GJC1: variants seen among roughly 807,000 people sequenced by gnomAD.
The protein encoded by GJC1 is gap junction protein gamma 1, also known as gap junction gamma-1 protein.
In GJC1, 5 loss-of-function variants were observed where a neutral mutation model predicts 29.3. The observed-to-expected ratio is 0.17, with a 90% confidence interval of 0.09 to 0.36. GJC1 has a LOEUF of 0.36. Among genes scored for constraint, GJC1 ranks in the 10% least tolerant of loss-of-function variants. The pLI is 1.00. For missense variants in GJC1, 310 were observed against 496.2 expected (o/e 0.62, Z 3.56); for synonymous variants, 177 against 183.3 (o/e 0.97, Z 0.28).
chr17:44,828,229 T>C (rs887400401), intron 1 of GJC1, among the ~76,000 whole-genome samples: 26 of 152,288 alleles, frequency 1.7e-4, no homozygotes, highest in African/African-American at 5.8e-4. Flanking sequence ...GTTAATTAAG[T>C]CCTCTGGATT....
downstream of GJC1, chr17:44,794,517 CA>C: frequency 6.6e-6 from 1 of 152,268 alleles, no homozygotes; most frequent in East Asian, 1.9e-4. Flanking sequence ...GCAGAAGCCA[CA>C]GCTGCAACGT....
intron 1 of GJC1, among the ~76,000 whole-genome samples, chr17:44,822,193 T>C (rs9916126): frequency 0.047 from 3,771 of 80,248 alleles, 118 homozygotes; most frequent in Admixed American, 0.13. Context: ...CGAGACTCCG[T>C]CTCAAAAAAA....
At chr17:44,813,547 C>CA (rs2050009048) in intron 1 of GJC1, among the ~76,000 whole-genome samples, 2 of 134,374 alleles carry the variant, frequency 1.5e-5, no homozygotes, top group South Asian at 2.4e-4. Context: ...GGCTGGAGTG[C>CA]AGTACCACGA....
intron 1 of GJC1, among the ~76,000 whole-genome samples, chr17:44,810,384 G>A (rs1269794113): frequency 6.6e-6 from 1 of 152,150 alleles, no homozygotes; most frequent in African/African-American, 2.4e-5. Flanking sequence ...GGGAAGAATT[G>A]GTGATAAATC....
intron 1 of GJC1, among the ~76,000 whole-genome samples, chr17:44,811,362 G>A (rs1208063546): frequency 1.3e-5 from 2 of 151,018 alleles, no homozygotes; most frequent in Admixed American, 1.3e-4. Flanking sequence ...GATTACAGGC[G>A]TGAGCCACTG....
At chr17:44,822,478 C>A (rs2050123351) in intron 1 of GJC1, among the ~76,000 whole-genome samples, 1 of 151,390 alleles carries the variant, frequency 6.6e-6, no homozygotes, top group Non-Finnish European at 1.5e-5. Flanking sequence ...CCTATCTCTA[C>A]TAAAAATATA....
downstream of GJC1, among the ~76,000 whole-genome samples, chr17:44,795,696 T>G (rs1356275810): frequency 6.6e-6 from 1 of 152,188 alleles, no homozygotes; most frequent in Non-Finnish European, 1.5e-5. Flanking sequence ...CCCAAGACAG[T>G]GTCCAGGGGT....
chr17:44,813,481 T>C (rs1353183103), intron 1 of GJC1, among the ~76,000 whole-genome samples: 1 of 139,718 alleles, frequency 7.2e-6, no homozygotes, highest in Non-Finnish European at 1.5e-5. Context: ...TCCTTCCAAG[T>C]TACTTTTTTT....
chr17:44,826,402 C>T (rs1455596971), intron 1 of GJC1, among the ~76,000 whole-genome samples: 3 of 151,906 alleles, frequency 2.0e-5, no homozygotes, highest in Admixed American at 6.6e-5. Flanking sequence ...TGGTGGTGGA[C>T]GCCTGTAGTC....
intron 1 of GJC1, among the ~76,000 whole-genome samples, chr17:44,810,586 G>C (rs773405644): frequency 6.6e-6 from 1 of 151,986 alleles, no homozygotes; most frequent in Non-Finnish European, 1.5e-5. Flanking sequence ...GTATCGCTAC[G>C]GTCTATGCTC....
In GJC1 at chr17:44,804,744, G is replaced by C. The variant is rs746220283; in HGVS notation, c.1074C>G (p.His358Gln). Reference sequence around the variant, plus strand: ...CCCGGGGACCATGAGGGTTGTTTTGGTGACTGTAGGCCTGAACTGCCAGAT... The same window carrying C: ...CCCGGGGACCATGAGGGTTGTTTTGCTGACTGTAGGCCTGAACTGCCAGAT... ...RLDLAVQAYS[H>Q]QNNPHGPREK... The change falls in exon 3 of 3, where the codon CAC becomes CAG. Residue 358 changes from histidine to glutamine, a missense_variant. His to Gln is a conservative substitution (Grantham distance 24). Around this residue, in one of 4 missense-constraint regions of GJC1, gnomAD observed 146 missense variants for 165.0 expected, o/e 0.88. Transcript: ENST00000592524. 2 of 1,614,032 alleles carry C rather than the reference G, an allele frequency of 1.2e-6. No individual in the cohort carries two copies. Among genetic ancestry groups the C allele is most frequent in the Non-Finnish European group, 1.7e-6 (2 of 1,180,034 alleles).
At chr17:44,806,129 C>T (rs1320176382) in intron 2 of GJC1, among the ~76,000 whole-genome samples, 1 of 151,986 alleles carries the variant, frequency 6.6e-6, no homozygotes, top group Non-Finnish European at 1.5e-5. Context: ...AAAAATTACC[C>T]GGGCACGGTG....
rs1232547370 is a variant in GJC1, at chr17:44,802,805, G to A, written c.*1822C>T. The A allele has an allele frequency of 6.6e-6, 1 of 152,078 alleles. No individual in the cohort carries two copies. The highest frequency in any genetic ancestry group is 2.4e-5 in the African/African-American group (1 of 41,362). The allele number at this position is 152,078 out of a possible 1,614,324, so 9.4% of individuals were successfully genotyped here. A position where few individuals can be genotyped will look rare whatever the true frequency, so the allele number is the denominator to read the frequency against. Reference sequence around the variant, plus strand: ...AACCCAAAAGTTCGAGACCAGCCTGGGTAACATAGTGAGACCTCATCTCTA... The same window carrying A: ...AACCCAAAAGTTCGAGACCAGCCTGAGTAACATAGTGAGACCTCATCTCTA... On this transcript the variant is annotated 3_prime_UTR_variant, in exon 3 of 3. Coordinates refer to ENST00000592524, the MANE Select transcript of GJC1 (RefSeq NM_005497.4).
Position 44,805,837 on chromosome 17 carries a change from C to A in GJC1, c.-20G>T, listed in dbSNP as rs1242152245. On this transcript the variant is annotated splice_region_variant and 5_prime_UTR_variant, in exon 3 of 3. Transcript: ENST00000592524. The surrounding 1 kb of genome is among the most constrained non-coding windows in gnomAD (Gnocchi z 5.1). Reference sequence around the variant, plus strand: ...ACTCATGGTGATTGAATTGGTATGCCCTGATAAAAGTGGAAAAATACCAAA... The same window carrying A: ...ACTCATGGTGATTGAATTGGTATGCACTGATAAAAGTGGAAAAATACCAAA... The A allele has an allele frequency of 2.8e-5, 40 of 1,417,158 alleles. No individual in the cohort carries two copies. The highest frequency in any genetic ancestry group is 3.4e-5 in the Non-Finnish European group (35 of 1,031,220). 87.8% of individuals were successfully genotyped at this position (1,417,158 alleles called of 1,614,324 possible).
At chr17:44,798,002 ACT>A (rs977991401), downstream of GJC1, among the ~76,000 whole-genome samples, 5 of 151,984 alleles carry the variant, frequency 3.3e-5, no homozygotes, top group Admixed American at 2.0e-4. Flanking sequence ...GACACTGCTG[ACT>A]CTGCTGCCGC....
chr17:44,804,511 G>C lies in GJC1; in HGVS notation c.*116C>G, dbSNP rs73984079. On this transcript the variant is annotated 3_prime_UTR_variant, in exon 3 of 3. Transcript: ENST00000592524. ...AGAGTCCCCTGAGCTTGGATCATGA[G>C]CCAACAGCATCCCTGAAGATAACCA... 28 of 834,296 alleles carry C rather than the reference G, an allele frequency of 3.4e-5. No individual in the cohort carries two copies. The African/African-American group carries it at 4.3e-4, about 13-fold the overall frequency. The allele number at this position is 834,296 out of a possible 1,614,324, so 51.7% of individuals were successfully genotyped here. A position where few individuals can be genotyped will look rare whatever the true frequency, so the allele number is the denominator to read the frequency against.
chr17:44,819,926 C>T (rs1326617248), intron 1 of GJC1, among the ~76,000 whole-genome samples: 1 of 151,820 alleles, frequency 6.6e-6, no homozygotes, highest in Non-Finnish European at 1.5e-5. Flanking sequence ...GGCATGATCT[C>T]GGCTCAATGC....
At position 44,805,565 on chromosome 17, in the gene GJC1, C is replaced by A. The variant is rs748117040; in HGVS notation, c.253G>T (p.Ala85Ser). 6.2e-7 allele frequency: 1 copy of A among 1,614,118 alleles called. No individual in the cohort carries two copies. The highest frequency in any genetic ancestry group is 1.1e-5 in the South Asian group (1 of 91,076). The change falls in exon 3 of 3, where the codon GCA (alanine) becomes TCA (serine). Residue 85 changes from alanine (A) to serine (S), a missense_variant. Ala to Ser is a moderately conservative substitution (Grantham distance 99). This residue lies in a region of GJC1 where 82 missense variants were observed against 100.7 expected (regional missense o/e 0.81). Transcript: ENST00000592524. The surrounding 1 kb of genome is among the most constrained non-coding windows in gnomAD (Gnocchi z 5.1). ...CCCAGGTACATCACAGAGGGAGTTG[C>A]CACCAGGATGATCTGGAACACCCAG... Reference protein sequence around the residue: ...RFWVFQIILVATPSVMYLGYA... With the variant: ...RFWVFQIILVSTPSVMYLGYA...
At chr17:44,819,357 T>C (rs944771054) in intron 1 of GJC1, among the ~76,000 whole-genome samples, 2 of 152,162 alleles carry the variant, frequency 1.3e-5, no homozygotes, top group East Asian at 3.9e-4. Context: ...TTATACCATG[T>C]GTCAGAATTT....
Sources: gnomAD v4.1 joint callset for allele counts (sites outside exome capture counted in the v4.1 genomes callset) on GRCh38, gnomAD v4.1.1 for gene constraint, gnomAD v4.1.1 regional missense constraint, Gnocchi (gnomAD v3.1) non-coding constraint, MANE v1.5 for transcripts, NCBI Gene and HGNC (gene_info 2026-07-23, HGNC 2026-07-21) for gene names.